RIC1: variants seen among roughly 807,000 people sequenced by gnomAD.
RIC1 encodes guanine nucleotide exchange factor subunit RIC1.
A neutral mutation model predicts 169.0 loss-of-function variants in RIC1; 88 were observed. That is an observed-to-expected ratio of 0.52 (90% CI 0.44 to 0.62). RIC1 has a LOEUF of 0.62. Among genes scored for constraint, RIC1 ranks in the 20% least tolerant of loss-of-function variants. The probability of loss-of-function intolerance (pLI) is 0.00; values close to 1 mark genes in which losing one functional copy is unlikely to be tolerated. For synonymous variants in RIC1, 790 were observed against 601.5 expected (o/e 1.31, Z -4.59); for missense variants, 1,877 against 1,725.5 (o/e 1.09, Z -1.56).
At chr9:5,696,060 G>T (rs1211855413) in intron 3 of RIC1, among the ~76,000 whole-genome samples, 1 of 151,958 alleles carries the variant, frequency 6.6e-6, no homozygotes, top group East Asian at 1.9e-4. Flanking sequence ...TATTTGTTCA[G>T]TCATCAAATT....
intron 2 of RIC1, among the ~76,000 whole-genome samples, chr9:5,658,648 A>G (rs575688189): frequency 6.6e-6 from 1 of 152,206 alleles, no homozygotes; most frequent in Non-Finnish European, 1.5e-5. Context: ...AAAAATCCAC[A>G]TGGAGCAGCA....
intron 15 of RIC1, among the ~76,000 whole-genome samples, 198 bp from the exon 16 acceptor site, chr9:5,756,014 C>G (rs1345473388): frequency 2.0e-5 from 3 of 150,946 alleles, no homozygotes; most frequent in Non-Finnish European, 4.4e-5. Flanking sequence ...TCATTTTTTG[C>G]TTACTCATAG....
intron 2 of RIC1, among the ~76,000 whole-genome samples, chr9:5,658,825 G>T (rs373861460): frequency 0.01 from 1,399 of 138,284 alleles, 13 homozygotes; most frequent in Middle Eastern, 0.027. Context: ...AAGTTTTTTT[G>T]TTTTTTTTTT....
chr9:5,701,484 G>A (rs531313628), intron 3 of RIC1, among the ~76,000 whole-genome samples: 17 of 151,768 alleles, frequency 1.1e-4, no homozygotes, highest in South Asian at 4.2e-4. Flanking sequence ...TGGTAATCCC[G>A]GCTACTCAGG....
chr9:5,739,448 C>T (rs1021051675), intron 8 of RIC1, among the ~76,000 whole-genome samples: 1 of 152,186 alleles, frequency 6.6e-6, no homozygotes, highest in Non-Finnish European at 1.5e-5. Context: ...CATGCCTACT[C>T]TCCAGATTTC....
Position 5,750,178 on chromosome 9 carries a change from C to G in RIC1, c.1452+2673C>G, listed in dbSNP as rs1046428006. Among the ~76,000 whole-genome samples the G allele has an allele frequency of 3.9e-5, 6 of 151,924 alleles. 1 individual carries two copies. Among genetic ancestry groups the G allele is most frequent in the African/African-American group, 1.2e-4 (5 of 41,230 alleles). ...AAGTCATTTGTTGACATATGGGGCA[C>G]AAACTATTGAAATTTTACAGAACAC... On this transcript the variant is annotated intron_variant, in intron 12 of 25. Transcript: ENST00000414202.
At chr9:5,653,030 C>G (rs1563870860) in intron 1 of RIC1, among the ~76,000 whole-genome samples, 1 of 152,152 alleles carries the variant, frequency 6.6e-6, no homozygotes, top group Non-Finnish European at 1.5e-5. Context: ...GCTGAACCAT[C>G]CTTGCATTCC....
At chr9:5,730,501 C>T (rs746608920) in intron 6 of RIC1, among the ~76,000 whole-genome samples, 3 of 152,036 alleles carry the variant, frequency 2.0e-5, no homozygotes, top group Non-Finnish European at 4.4e-5. Context: ...AATTAAAGGG[C>T]AAATAATGTA....
intron 2 of RIC1, among the ~76,000 whole-genome samples, chr9:5,665,606 C>G (rs1819706529): frequency 6.6e-6 from 1 of 152,026 alleles, no homozygotes. Context: ...AGGTTGCTGA[C>G]CTTTGAATGG....
At chr9:5,729,811 A>G (rs2130914135) in intron 6 of RIC1, among the ~76,000 whole-genome samples, 1 of 151,698 alleles carries the variant, frequency 6.6e-6, no homozygotes, top group Non-Finnish European at 1.5e-5. Context: ...GAACATAAAT[A>G]AGAATAAAAA....
intron 7 of RIC1, among the ~76,000 whole-genome samples, chr9:5,733,002 T>A (rs893963093): frequency 3.3e-5 from 5 of 152,168 alleles, no homozygotes; most frequent in African/African-American, 4.8e-5. Context: ...CAGCCATAGT[T>A]CTAAGCACTT....
chr9:5,765,678 G>C lies in RIC1; in HGVS notation c.3017G>C (p.Gly1006Ala). 1 of 1,614,178 alleles carries C rather than the reference G, an allele frequency of 6.2e-7. No individual in the cohort carries two copies. Among genetic ancestry groups the C allele is most frequent in the Non-Finnish European group, 8.5e-7 (1 of 1,180,012 alleles). The stretch of plus-strand genomic sequence containing the variant: ...TAATCCTAGGAACCCAGTTCAAGTG[G>C]TGGATTTGAGTTCTTCAGGAATCGA... ...TPTAQEPSSS[G>A]GFEFFRNRSI... The change falls in exon 21 of 26, where the codon GGT becomes GCT. Residue 1006 changes from glycine to alanine, a missense_variant. Around this residue, in one of 3 missense-constraint regions of RIC1, gnomAD observed 681 missense variants for 582.0 expected, o/e 1.17. Transcript: ENST00000414202.
At chr9:5,754,152 G>A (rs1021278082) in intron 14 of RIC1, among the ~76,000 whole-genome samples, 1 of 152,066 alleles carries the variant, frequency 6.6e-6, no homozygotes, top group Non-Finnish European at 1.5e-5. Context: ...TTACTCATCT[G>A]CACAGCAACC....
chr9:5,778,010 T>C (rs76038420), downstream of RIC1, among the ~76,000 whole-genome samples: 1 of 152,308 alleles, frequency 6.6e-6, no homozygotes, highest in East Asian at 1.9e-4. Flanking sequence ...GCAGTTGGGA[T>C]TTTCATAAGC....
chr9:5,648,373 A>T (rs1353279906), intron 1 of RIC1, among the ~76,000 whole-genome samples: 1 of 152,118 alleles, frequency 6.6e-6, no homozygotes, highest in Non-Finnish European at 1.5e-5. Context: ...GCATGAAAGG[A>T]TATTGAGTTT....
chr9:5,767,479 CTTT>C (rs34146140), intron 21 of RIC1, among the ~76,000 whole-genome samples: 1 of 145,294 alleles, frequency 6.9e-6, no homozygotes, highest in Non-Finnish European at 1.5e-5. Flanking sequence ...TTCATATTCT[CTTT>C]TTTTTTTTTT....
intron 6 of RIC1, among the ~76,000 whole-genome samples, chr9:5,723,878 G>T (rs1823773916): frequency 6.6e-6 from 1 of 152,178 alleles, no homozygotes; most frequent in Non-Finnish European, 1.5e-5. Context: ...TAGATGTGTG[G>T]TATTATTTCT....
intron 2 of RIC1, among the ~76,000 whole-genome samples, chr9:5,658,839 C>G (rs548618022): frequency 1.3e-5 from 2 of 149,124 alleles, no homozygotes; most frequent in Admixed American, 6.7e-5. Context: ...TTTTTTTTAC[C>G]GAGACTGACT....
At position 5,774,259 on chromosome 9, in the gene RIC1, A is replaced by G. The variant is rs772862206; in HGVS notation, c.*13A>G. The G allele has an allele frequency of 1.4e-5, 22 of 1,589,394 alleles. No homozygotes were observed. In the South Asian group the frequency reaches 2.2e-4, roughly 16 times the overall value. Reference sequence around the variant, plus strand: ...TTCTGTGTCCTAACAGTGAGGTTCCATCACAAAGGGGCAGTATTAATTAGC... The same window carrying G: ...TTCTGTGTCCTAACAGTGAGGTTCCGTCACAAAGGGGCAGTATTAATTAGC... On this transcript the variant is annotated 3_prime_UTR_variant, in exon 26 of 26. Coordinates refer to ENST00000414202, the MANE Select transcript of RIC1 (RefSeq NM_020829.4).
Sources: allele counts gnomAD v4.1 joint callset (sites outside exome capture counted in the v4.1 genomes callset), GRCh38; gene constraint gnomAD v4.1.1; regional missense constraint gnomAD v4.1.1; transcripts MANE v1.5; gene names NCBI Gene and HGNC (gene_info 2026-07-23, HGNC 2026-07-21).